Variants in VGLL2 observed in about 807,000 individuals in gnomAD.
VGLL2 encodes the protein vestigial like family member 2.
A neutral mutation model predicts 27.0 loss-of-function variants in VGLL2; 18 were observed. The ratio of observed to expected loss-of-function variants is 0.67; its 90% CI spans 0.46 to 0.99. The LOEUF (loss-of-function observed/expected upper bound fraction) is 0.99, where lower values mean the gene tolerates loss of function less well. VGLL2 is among the 50% of genes least tolerant of loss of function. VGLL2 has a pLI of 0.00. For missense variants in VGLL2, 491 were observed against 452.3 expected (o/e 1.09, Z -0.78); for synonymous variants, 220 against 201.1 (o/e 1.09, Z -0.80).
chr6:117,268,143 T>C (rs760133453), intron 1 of VGLL2, 39 bp from the exon 2 acceptor site: 1 of 1,597,356 alleles, frequency 6.3e-7, no homozygotes, highest in East Asian at 2.2e-5. Flanking sequence ...TGCCATCGCT[T>C]TTGAAATTGA....
rs1383267113 is a variant in VGLL2 at position 117,272,538 on chromosome 6, C to T, written c.*44C>T. 1.2e-6 allele frequency: 2 copies of T among 1,613,406 alleles called. No individual in the cohort carries two copies. Among genetic ancestry groups the T allele is most frequent in the African/African-American group, 1.3e-5 (1 of 74,906 alleles). On this transcript the variant is annotated 3_prime_UTR_variant, in exon 4 of 4. Coordinates refer to ENST00000326274, the MANE Select transcript of VGLL2 (RefSeq NM_182645.3). The stretch of plus-strand genomic sequence containing the variant: ...CCCCTTCCCCTTCCCTTCTGACCAG[C>T]CTTGGAGGCTCAGCATCTGTGCCTC...
At chr6:117,270,460 C>T in intron 2 of VGLL2, 83 bp from the exon 3 acceptor site, 1 of 1,437,966 alleles carries the variant, frequency 7.0e-7, no homozygotes. Context: ...TCGGGCGGGA[C>T]GTGCAGGTCG....
chr6:117,266,274 C>T (rs1476166978), intron 1 of VGLL2, among the ~76,000 whole-genome samples: 1 of 152,224 alleles, frequency 6.6e-6, no homozygotes, highest in African/African-American at 2.4e-5. Context: ...CAGCCTCTTT[C>T]TGAGATGCAA....
Position 117,270,660 on chromosome 6 carries a change from C to T in VGLL2, c.509C>T (p.Pro170Leu), listed in dbSNP as rs993083696. 8 of 1,563,622 alleles carry T rather than the reference C, an allele frequency of 5.1e-6. No homozygotes were observed. In the Admixed American group the frequency reaches 1.3e-4, roughly 24 times the overall value. ...SPLATAHSEL[P>L]FAAADPYSPA... ...CTGGCCACCGCGCACTCGGAGCTGC[C>T]CTTCGCCGCCGCCGACCCCTACTCG... Residue 170 changes from proline to leucine, a missense_variant, in exon 3 of 4, where the codon CCC becomes CTC. Physicochemically the swap from Pro to Leu is moderately conservative, Grantham distance 98. Coordinates refer to ENST00000326274, the MANE Select transcript of VGLL2 (RefSeq NM_182645.3).
In VGLL2 at chr6:117,272,199, T is replaced by C. The variant is rs1259996475; in HGVS notation, c.914-255T>C. ...TCCCTTTGTCTTCCTCCTCCTCCTC[T>C]TCTTCTTTGTTCTCCTCCTTCTCCT... On this transcript the variant is annotated intron_variant, in intron 3 of 3. Coordinates refer to ENST00000326274, the MANE Select transcript of VGLL2 (RefSeq NM_182645.3). 1.3e-5 allele frequency: 7 copies of C among 553,750 alleles called. No individual in the cohort carries two copies. In the East Asian group the frequency reaches 4.4e-4, roughly 35 times the overall value. 34.3% of individuals were successfully genotyped at this position (553,750 alleles called of 1,614,324 possible). A position where few individuals can be genotyped will look rare whatever the true frequency, so the allele number is the denominator to read the frequency against.
In VGLL2 at chr6:117,273,236, G is replaced by C. The variant is rs1344675714; in HGVS notation, c.*742G>C. The C allele has an allele frequency of 6.6e-6, 1 of 152,242 alleles. No homozygotes were observed. Among genetic ancestry groups the C allele is most frequent in the Non-Finnish European group, 1.5e-5 (1 of 68,020 alleles). The allele number at this position is 152,242 out of a possible 1,614,324, so 9.4% of individuals were successfully genotyped here. On this transcript the variant is annotated 3_prime_UTR_variant, in exon 4 of 4. Coordinates refer to ENST00000326274, the MANE Select transcript of VGLL2 (RefSeq NM_182645.3). ...CACTGGGTATATTATATATATATAT[G>C]TATGCATATATATCATATTTTTTAC...
At chr6:117,269,450 A>G (rs975921911) in intron 2 of VGLL2, among the ~76,000 whole-genome samples, 1 of 152,150 alleles carries the variant, frequency 6.6e-6, no homozygotes, top group Non-Finnish European at 1.5e-5. Flanking sequence ...TTCCCCCTTA[A>G]GAGACGCTGG....
intron 1 of VGLL2, among the ~76,000 whole-genome samples, chr6:117,266,409 A>G (rs566136378): frequency 9.2e-5 from 14 of 152,352 alleles, no homozygotes; most frequent in South Asian, 2.1e-4. Context: ...GCGCAGTTTT[A>G]TAATTTTTTC....
Position 117,272,568 on chromosome 6 carries a change from T to C in VGLL2, c.*74T>C. ...GAGGCTCAGCATCTGTGCCTCTCAC[T>C]CCGTGGATGAGGACATGGGGGAAGG... is the stretch of plus-strand genomic sequence containing the variant. On this transcript the variant is annotated 3_prime_UTR_variant, in exon 4 of 4. Transcript: ENST00000326274. 1 of 1,607,244 alleles carries C rather than the reference T, an allele frequency of 6.2e-7. No individual in the cohort carries two copies.
At chr6:117,266,198 C>G (rs1360048585) in intron 1 of VGLL2, among the ~76,000 whole-genome samples, 4 of 152,254 alleles carry the variant, frequency 2.6e-5, no homozygotes, top group African/African-American at 9.6e-5. Flanking sequence ...GCAAAGCTGA[C>G]GCAGGAAAAA....
chr6:117,266,122 T>G (rs1208950332), intron 1 of VGLL2, among the ~76,000 whole-genome samples: 1 of 152,164 alleles, frequency 6.6e-6, no homozygotes, highest in East Asian at 1.9e-4. Context: ...ACGGGCTGGA[T>G]TTTCTTCTTA....
Position 117,270,816 on chromosome 6 carries a change from C to G in VGLL2, c.665C>G (p.Pro222Arg). The G allele has an allele frequency of 2.1e-6, 3 of 1,431,702 alleles. No homozygotes were observed. Among genetic ancestry groups the G allele is most frequent in the Non-Finnish European group, 2.7e-6 (3 of 1,095,158 alleles). 88.7% of individuals were successfully genotyped at this position (1,431,702 alleles called of 1,614,324 possible). ...GALGAQAAPY[P>R]RPAAVHEVYA... ...CTCGGCGCCCAGGCCGCCCCCTACC[C>G]GCGCCCCGCCGCCGTGCACGAAGTC... is the stretch of plus-strand genomic sequence containing the variant. Residue 222 changes from proline to arginine, a missense_variant, in exon 3 of 4, where the codon CCG (proline) becomes CGG (arginine). Pro to Arg is a moderately radical substitution (Grantham distance 103, BLOSUM62 -2). Coordinates refer to ENST00000326274, the MANE Select transcript of VGLL2 (RefSeq NM_182645.3).
At position 117,271,041 on chromosome 6, in the gene VGLL2, G is replaced by C. The variant is rs1582500330; in HGVS notation, c.890G>C (p.Gly297Ala). ...FASPSGDVAQ[G>A]LGLSVDSARR... ...AGCCCCTCGGGGGACGTGGCCCAGG[G>C]TCTGGGCCTCAGCGTGGACTCAGGT... Residue 297 changes from glycine to alanine, a missense_variant, in exon 3 of 4, where the codon GGT (glycine) becomes GCT (alanine). By Grantham distance (60) the Gly-to-Ala change is moderately conservative. Transcript: ENST00000326274. 2 of 1,229,998 alleles carry C rather than the reference G, an allele frequency of 1.6e-6. No individual in the cohort carries two copies. 76.2% of individuals were successfully genotyped at this position (1,229,998 alleles called of 1,614,324 possible). A position where few individuals can be genotyped will look rare whatever the true frequency, so the allele number is the denominator to read the frequency against.
rs750938115 is a variant in VGLL2 at position 117,268,342 on chromosome 6, T to C, written c.242T>C (p.Ile81Thr). 1.2e-5 allele frequency: 20 copies of C among 1,613,932 alleles called. No individual in the cohort carries two copies. The highest frequency in any genetic ancestry group is 1.6e-5 in the Non-Finnish European group (19 of 1,180,018). Residue 81 changes from isoleucine to threonine, a missense_variant, in exon 2 of 4, where the codon ATC (isoleucine) becomes ACC (threonine). Ile to Thr is a moderately conservative substitution (Grantham distance 89). Coordinates refer to ENST00000326274, the MANE Select transcript of VGLL2 (RefSeq NM_182645.3). Reference sequence around the variant, plus strand: ...GAGCGCCCACCAGAGGCAGAGTACATCAACTCCCGCTGCGTCCTCTTCACT... The same window carrying C: ...GAGCGCCCACCAGAGGCAGAGTACACCAACTCCCGCTGCGTCCTCTTCACT... Reference protein sequence around the residue: ...EKERPPEAEYINSRCVLFTYF... With the variant: ...EKERPPEAEYTNSRCVLFTYF...
At position 117,268,377 on chromosome 6, in the gene VGLL2, G is replaced by C. The variant is rs1773114375; in HGVS notation, c.277G>C (p.Gly93Arg). ...SRCVLFTYFQ[G>R]DISSVVDEHF... is the part of the protein sequence containing the mutation. ...CTGCGTCCTCTTCACTTATTTCCAG[G>C]GGGACATCAGCTCCGTGGTGGATGA... The change falls in exon 2 of 4, where the codon GGG (glycine) becomes CGG (arginine). Residue 93 changes from glycine to arginine, a missense_variant. Coordinates refer to ENST00000326274, the MANE Select transcript of VGLL2 (RefSeq NM_182645.3). 1.2e-6 allele frequency: 2 copies of C among 1,614,052 alleles called. No individual in the cohort carries two copies. The highest frequency in any genetic ancestry group is 1.7e-6 in the Non-Finnish European group (2 of 1,180,008).
Position 117,265,848 on chromosome 6 carries a change from C to T in VGLL2, c.81+4C>T. 2 of 1,613,614 alleles carry T rather than the reference C, an allele frequency of 1.2e-6. No individual in the cohort carries two copies. The highest frequency in any genetic ancestry group is 1.7e-6 in the Non-Finnish European group (2 of 1,179,512). On this transcript the variant is annotated splice_donor_region_variant and intron_variant, in intron 1 of 3. Coordinates refer to ENST00000326274, the MANE Select transcript of VGLL2 (RefSeq NM_182645.3). ...CGCCTACACCCCCTACCACCAGGTA[C>T]GTGTCTCCTCTGGGGACTTTGGGAA...
intron 3 of VGLL2, chr6:117,272,242 C>T: frequency 1.1e-6 from 1 of 890,590 alleles, no homozygotes. Context: ...CTTCTTCTCT[C>T]TCTCCCTCTC....
intron 3 of VGLL2, chr6:117,272,189 C>A: frequency 2.2e-6 from 1 of 453,300 alleles, no homozygotes; most frequent in Non-Finnish European, 2.9e-6. Flanking sequence ...TTGTCTTCCT[C>A]CTCCTCCTCT....
In VGLL2 at chr6:117,270,895, G is replaced by A. The variant is rs1033422784; in HGVS notation, c.744G>A (p.Ser248=). The A allele has an allele frequency of 2.3e-6, 3 of 1,278,330 alleles. No individual in the cohort carries two copies. Among genetic ancestry groups the A allele is most frequent in the Non-Finnish European group, 2.0e-6 (2 of 1,016,036 alleles). The allele number at this position is 1,278,330 out of a possible 1,614,324, so 79.2% of individuals were successfully genotyped here. ...RYGPLLMPAA[S]GRPARLATAP... ...GGCCGCTGCTGATGCCAGCCGCCTC[G>A]GGGCGCCCGGCCCGCCTCGCAACCG... The change falls in exon 3 of 4, where the codon TCG becomes TCA. Residue 248 remains serine, a synonymous_variant. Coordinates refer to ENST00000326274, the MANE Select transcript of VGLL2 (RefSeq NM_182645.3).
Sources: gnomAD v4.1 joint callset for allele counts (sites outside exome capture counted in the v4.1 genomes callset) on GRCh38, gnomAD v4.1.1 for gene constraint, MANE v1.5 for transcripts, NCBI Gene and HGNC (gene_info 2026-07-23, HGNC 2026-07-21) for gene names.